WDPCP: variants seen among roughly 807,000 people sequenced by gnomAD.
WDPCP encodes WD repeat containing planar cell polarity effector, also known as WD repeat-containing and planar cell polarity effector protein fritz homolog.
A neutral mutation model predicts 93.1 loss-of-function variants in WDPCP; 71 were observed. The observed-to-expected ratio is 0.76, with a 90% CI of 0.63 to 0.93. The LOEUF is 0.93. WDPCP is among the 40% of genes least tolerant of loss of function. The pLI, the probability that WDPCP is intolerant of heterozygous loss-of-function variation, is 0.00. For synonymous variants in WDPCP, 315 were observed against 315.0 expected, an observed-to-expected ratio of 1.00 and a Z score of 0.00; for missense variants, 844 against 887.4, an observed-to-expected ratio of 0.95 and a Z score of 0.62.
At position 63,303,310 on chromosome 2, in the gene WDPCP, G is replaced by C. The variant is rs61558269; in HGVS notation, c.1812+9938C>G. Among the ~76,000 whole-genome samples, 15 of 152,262 alleles carry C rather than the reference G, an allele frequency of 9.9e-5. No homozygotes were observed. In the East Asian group the frequency reaches 2.9e-3, roughly 29 times the overall value. ...GTTGTACCAAATGGGGAAATAAAAG[G>C]ACATCAATACCCTAGAAGGCCTAAG... On this transcript the variant is annotated intron_variant, in intron 13 of 17. Coordinates refer to ENST00000272321, the MANE Select transcript of WDPCP (RefSeq NM_015910.7).
intron 14 of WDPCP, among the ~76,000 whole-genome samples, chr2:63,197,528 A>C (rs1675539110): frequency 6.6e-6 from 1 of 152,240 alleles, no homozygotes; most frequent in Admixed American, 6.5e-5. Context: ...AAAAATAAAA[A>C]TATTCATACT....
intron 12 of WDPCP, among the ~76,000 whole-genome samples, chr2:63,370,182 TG>T (rs1691265569): frequency 6.6e-6 from 1 of 152,174 alleles, no homozygotes; most frequent in Non-Finnish European, 1.5e-5. Flanking sequence ...CCTCATCCCT[TG>T]GCAGGAATCT....
At chr2:63,291,859 C>T (rs1481077406) in intron 13 of WDPCP, among the ~76,000 whole-genome samples, 6 of 150,484 alleles carry the variant, frequency 4.0e-5, no homozygotes, top group South Asian at 2.1e-4. Flanking sequence ...GAAGGCCGGG[C>T]GCGGGGGCTC....
In WDPCP at chr2:63,121,136, A is replaced by G. The variant is rs1669525000; in HGVS notation, c.*870T>C. On this transcript the variant is annotated 3_prime_UTR_variant, in exon 18 of 18. Transcript: ENST00000272321. ...TAAAGGAGAGGCATTCTGAGTTTAAAGAACTCAAATCTCATATAAAAGTTG... is the reference window on the plus strand; with the variant it reads ...TAAAGGAGAGGCATTCTGAGTTTAAGGAACTCAAATCTCATATAAAAGTTG... 6.6e-6 allele frequency among the ~76,000 whole-genome samples: 1 copy of G among 152,124 alleles called. No individual in the cohort carries two copies. The highest frequency in any genetic ancestry group is 2.4e-5 in the African/African-American group (1 of 41,442).
At chr2:63,466,840 C>T (rs1467854596) in intron 6 of WDPCP, among the ~76,000 whole-genome samples, 2 of 152,080 alleles carry the variant, frequency 1.3e-5, no homozygotes, top group South Asian at 2.1e-4. Context: ...TAGCAAAATA[C>T]GTGGAAGCTT....
At chr2:63,284,300 G>T (rs2138798) in intron 13 of WDPCP, among the ~76,000 whole-genome samples, 30,175 of 152,036 alleles carry the variant, frequency 0.2, 3,785 homozygotes, top group East Asian at 0.6. Flanking sequence ...ACCTGTGGGG[G>T]GTCCCCAGTG....
intron 9 of WDPCP, among the ~76,000 whole-genome samples, chr2:63,408,370 G>A (rs1218577634): frequency 1.3e-5 from 2 of 152,174 alleles, no homozygotes; most frequent in African/African-American, 4.8e-5. Flanking sequence ...AACTGGAAGT[G>A]AGTCAATTTA....
chr2:63,259,985 AAAG>A (rs1681492297), intron 13 of WDPCP, among the ~76,000 whole-genome samples: 1 of 152,200 alleles, frequency 6.6e-6, no homozygotes, highest in Non-Finnish European at 1.5e-5. Flanking sequence ...TAATTACAAA[AAAG>A]TATGATAGAT....
At chr2:63,600,951 C>T (rs970650243) in intron 3 of WDPCP, among the ~76,000 whole-genome samples, 2 of 152,176 alleles carry the variant, frequency 1.3e-5, no homozygotes, top group African/African-American at 2.4e-5. Flanking sequence ...TTTGTTGTTT[C>T]ACCTGAGGCT....
At chr2:63,316,050 A>G (rs1232919417) in intron 12 of WDPCP, among the ~76,000 whole-genome samples, 2 of 152,104 alleles carry the variant, frequency 1.3e-5, no homozygotes, top group Non-Finnish European at 2.9e-5. Flanking sequence ...GGTGTGAGCC[A>G]CTGTGCTCAG....
intron 12 of WDPCP, among the ~76,000 whole-genome samples, chr2:63,313,526 T>A (rs965980980): frequency 6.6e-6 from 1 of 152,148 alleles, no homozygotes; most frequent in Non-Finnish European, 1.5e-5. Context: ...AGGCCTTAAG[T>A]ATAACTTTCA....
chr2:63,413,723 G>A (rs1387912745), intron 9 of WDPCP, among the ~76,000 whole-genome samples: 1 of 152,124 alleles, frequency 6.6e-6, no homozygotes, highest in Non-Finnish European at 1.5e-5. Flanking sequence ...GTGTGAACCT[G>A]GGAGGTGGAG....
intron 13 of WDPCP, among the ~76,000 whole-genome samples, chr2:63,310,435 C>T (rs1403843389): frequency 6.6e-6 from 1 of 151,900 alleles, no homozygotes; most frequent in Non-Finnish European, 1.5e-5. Context: ...TACAATGCAG[C>T]CTTAAGTGAT....
intron 9 of WDPCP, among the ~76,000 whole-genome samples, chr2:63,429,787 A>G (rs908558823): frequency 2.4e-4 from 36 of 152,286 alleles, no homozygotes; most frequent in African/African-American, 8.7e-4. Flanking sequence ...AAATTTCTCA[A>G]AGAACTAAGA....
At chr2:63,374,464 T>C (rs1197760362) in intron 12 of WDPCP, among the ~76,000 whole-genome samples, 1 of 152,192 alleles carries the variant, frequency 6.6e-6, no homozygotes, top group African/African-American at 2.4e-5. Context: ...GCCTTGAATG[T>C]TCTTAGGTTA....
chr2:63,155,025 T>G (rs1472398716), intron 15 of WDPCP, among the ~76,000 whole-genome samples: 1 of 152,208 alleles, frequency 6.6e-6, no homozygotes, highest in Non-Finnish European at 1.5e-5. Context: ...GAGTTCTGTA[T>G]ATATTCTGGA....
At chr2:63,800,363 C>G (rs1437613143) in intron 2 of WDPCP, among the ~76,000 whole-genome samples, 1 of 152,196 alleles carries the variant, frequency 6.6e-6, no homozygotes, top group African/African-American at 2.4e-5. Flanking sequence ...TTCTTCAGAC[C>G]TGTCTCTCCT....
upstream of WDPCP, chr2:63,827,876 A>T (rs998230052): frequency 6.6e-6 from 1 of 152,208 alleles, no homozygotes; most frequent in Non-Finnish European, 1.5e-5. Flanking sequence ...TGTCTTATCT[A>T]TGGCCAGAAG....
chr2:63,700,775 C>G (rs141536294), intron 2 of WDPCP, among the ~76,000 whole-genome samples: 54 of 152,138 alleles, frequency 3.5e-4, no homozygotes, highest in Non-Finnish European at 6.6e-4. Flanking sequence ...GGGGAAAGAA[C>G]AGGCTCTTCA....
Sources: allele counts gnomAD v4.1 joint callset (sites outside exome capture counted in the v4.1 genomes callset), GRCh38; gene constraint gnomAD v4.1.1; transcripts MANE v1.5; gene names NCBI Gene and HGNC (gene_info 2026-07-23, HGNC 2026-07-21).